Variants in RGS8 observed in about 807,000 individuals in gnomAD.
RGS8 encodes regulator of G-protein signaling 8.
RGS8 carries 8 observed loss-of-function variants against 21.7 expected under a neutral mutation model. That is an observed-to-expected ratio of 0.37 (90% CI 0.22 to 0.66). RGS8 has a LOEUF of 0.66. Among genes scored for constraint, RGS8 ranks in the 30% least tolerant of loss-of-function variants. RGS8 has a pLI of 0.59. For synonymous variants in RGS8, 80 were observed against 83.6 expected, an observed-to-expected ratio of 0.96 and a Z score of 0.24; for missense variants, 157 against 217.9, an observed-to-expected ratio of 0.72 and a Z score of 1.76.
At chr1:182,693,693 C>G in the RGS8 span, among the ~76,000 whole-genome samples, 5 of 152,220 alleles carry the variant, frequency 3.3e-5, no homozygotes, top group Non-Finnish European at 4.4e-5. Flanking sequence ...CAGCACTATT[C>G]ACAATAGCAA....
chr1:182,690,336 T>G, the RGS8 span, among the ~76,000 whole-genome samples: 2 of 152,218 alleles, frequency 1.3e-5, no homozygotes, highest in African/African-American at 4.8e-5. Flanking sequence ...GTCACCTGGC[T>G]AGACCATAAG....
chr1:182,719,781 G>A, the RGS8 span, among the ~76,000 whole-genome samples: 33 of 151,858 alleles, frequency 2.2e-4, no homozygotes, highest in East Asian at 6.2e-3. Context: ...CACTGTTGCA[G>A]AGCAACCAAA....
the RGS8 span, among the ~76,000 whole-genome samples, chr1:182,707,973 T>C: frequency 1.3e-5 from 2 of 152,216 alleles, no homozygotes; most frequent in Non-Finnish European, 1.5e-5. Flanking sequence ...CCCAAAGTGC[T>C]GGGATTACAG....
At chr1:182,652,973 C>T (rs910154051) in intron 5 of RGS8, among the ~76,000 whole-genome samples, 1 of 152,120 alleles carries the variant, frequency 6.6e-6, no homozygotes, top group Non-Finnish European at 1.5e-5. Context: ...GGAAGTAGTT[C>T]ATTAAGACAA....
At chr1:182,687,487 G>A (rs1664736030), upstream of RGS8, among the ~76,000 whole-genome samples, 1 of 152,200 alleles carries the variant, frequency 6.6e-6, no homozygotes, top group South Asian at 2.1e-4. Flanking sequence ...AGAGTAAATG[G>A]AACCCAGGGC....
the RGS8 span, among the ~76,000 whole-genome samples, chr1:182,741,290 G>A: frequency 1.1e-5 from 1 of 87,960 alleles, no homozygotes; most frequent in African/African-American, 4.8e-5. Flanking sequence ...TCCCGGACGG[G>A]GCGGCTGGCC....
the RGS8 span, among the ~76,000 whole-genome samples, chr1:182,711,095 C>A: frequency 6.6e-6 from 1 of 152,212 alleles, no homozygotes. Flanking sequence ...GGAGATCACA[C>A]AAGGACCTCG....
the RGS8 span, among the ~76,000 whole-genome samples, chr1:182,706,175 G>A: frequency 6.6e-6 from 1 of 151,846 alleles, no homozygotes; most frequent in Non-Finnish European, 1.5e-5. Context: ...TGTAGAGATG[G>A]GTTTTCACCA....
chr1:182,691,607 TAAAAAAAAAAAAA>T, the RGS8 span, among the ~76,000 whole-genome samples: 252 of 27,314 alleles, frequency 9.2e-3, 2 homozygotes, highest in African/African-American at 0.032. Flanking sequence ...CCCTTCATGT[TAAAAAAAAAAAAA>T]AAAAAAAAAA....
exon 6 of RGS8, chr1:182,648,270 G>A (rs759655284): frequency 8.7e-6 from 14 of 1,613,514 alleles, no homozygotes; most frequent in Non-Finnish European, 1.2e-5. Context: ...ACTGAACTCC[G>A]TCTTCAAGAA....
chr1:182,668,705 G>A (rs1318627846), intron 3 of RGS8, among the ~76,000 whole-genome samples: 2 of 152,168 alleles, frequency 1.3e-5, no homozygotes, highest in African/African-American at 4.8e-5. Flanking sequence ...GCATTGTGAA[G>A]CCATCTATTT....
chr1:182,738,958 A>G, the RGS8 span, among the ~76,000 whole-genome samples: 232 of 152,332 alleles, frequency 1.5e-3, 1 homozygote, highest in Non-Finnish European at 1.6e-3. Flanking sequence ...AGGACTAAAG[A>G]GACAATCTCT....
At chr1:182,655,734 G>A (rs1046358551) in intron 5 of RGS8, among the ~76,000 whole-genome samples, 5 of 152,134 alleles carry the variant, frequency 3.3e-5, no homozygotes, top group Non-Finnish European at 7.4e-5. Context: ...CACTCTGTTC[G>A]GTGTCCTCAT....
the RGS8 span, among the ~76,000 whole-genome samples, chr1:182,720,913 G>GTATA: frequency 3.1e-5 from 3 of 95,802 alleles, no homozygotes; most frequent in South Asian, 3.2e-4. Flanking sequence ...ATATGTGTGT[G>GTATA]TATATACATA....
chr1:182,665,877 T>C (rs2102434675), intron 5 of RGS8, 92 bp downstream of exon 6: 1 of 1,124,870 alleles, frequency 8.9e-7, no homozygotes, highest in South Asian at 1.3e-5. Flanking sequence ...GAACACCTAG[T>C]ACATACCTGC....
chr1:182,705,243 G>A, the RGS8 span, among the ~76,000 whole-genome samples: 1 of 152,178 alleles, frequency 6.6e-6, no homozygotes, highest in Non-Finnish European at 1.5e-5. Flanking sequence ...CCCAGTTCAA[G>A]TATGAAGGCC....
chr1:182,715,473 A>C, the RGS8 span, among the ~76,000 whole-genome samples: 1 of 152,178 alleles, frequency 6.6e-6, no homozygotes, highest in Admixed American at 6.5e-5. Flanking sequence ...GTTATTGGAA[A>C]GGGGAATAAG....
chr1:182,724,484 C>T, the RGS8 span, among the ~76,000 whole-genome samples: 2 of 151,826 alleles, frequency 1.3e-5, no homozygotes, highest in East Asian at 1.9e-4. Context: ...TCACTATGCA[C>T]AGAAAAGCTT....
Position 182,666,655 on chromosome 1 carries a change from GA to G in RGS8, c.128+216del, listed in dbSNP as rs79757491. Among the ~76,000 whole-genome samples the G allele has an allele frequency of 6.0e-3, 719 of 119,722 alleles. 3 individuals carry two copies. Among genetic ancestry groups the G allele is most frequent in the Non-Finnish European group, 7.6e-3 (416 of 54,868 alleles). 78.5% of individuals were successfully genotyped at this position (119,722 alleles called of 152,430 possible). A position where few individuals can be genotyped will look rare whatever the true frequency, so the allele number is the denominator to read the frequency against. ...GAGATGGATGATATGGCTTACTTAG[GA>G]AAAAAAAAAAAAAGAGGATTCCCAT... On this transcript the variant is annotated intron_variant, in intron 4 of 6. Coordinates refer to ENST00000483095, the Ensembl canonical transcript of RGS8.
Sources: allele counts gnomAD v4.1 joint callset (sites outside exome capture counted in the v4.1 genomes callset), GRCh38; gene constraint gnomAD v4.1.1; transcripts MANE v1.5; gene names NCBI Gene and HGNC (gene_info 2026-07-23, HGNC 2026-07-21).